Variants in FGGY observed in about 807,000 individuals in gnomAD.
FGGY encodes FGGY carbohydrate kinase domain containing.
FGGY carries 72 observed loss-of-function variants against 71.3 expected under a neutral mutation model. The observed-to-expected ratio is 1.01, with a 90% confidence interval of 0.84 to 1.23. The LOEUF is 1.23. FGGY is among the 50% of genes most tolerant of loss of function. FGGY has a pLI of 0.00. For missense variants in FGGY, 668 were observed against 682.3 expected, an observed-to-expected ratio of 0.98 and a Z score of 0.23; for synonymous variants, 251 against 250.3, an observed-to-expected ratio of 1.00 and a Z score of -0.02.
intron 6 of FGGY, among the ~76,000 whole-genome samples, chr1:59,471,512 TCTAAGTGA>T (rs2092940187): frequency 2.0e-5 from 3 of 152,192 alleles, no homozygotes; most frequent in Admixed American, 2.0e-4. Flanking sequence ...CTCTTCCCTG[TCTAAGTGA>T]CAGAACCAGG....
intron 8 of FGGY, among the ~76,000 whole-genome samples, chr1:59,573,181 G>C (rs2096015976): frequency 6.6e-6 from 1 of 152,166 alleles, no homozygotes; most frequent in Admixed American, 6.5e-5. Context: ...CATGTGTGAT[G>C]CTGAATTGAA....
chr1:59,704,087 C>T (rs948145361), intron 14 of FGGY, among the ~76,000 whole-genome samples: 2 of 152,038 alleles, frequency 1.3e-5, no homozygotes, highest in Admixed American at 6.6e-5. Flanking sequence ...TGAGTATGTG[C>T]GCTAGACAGG....
chr1:59,480,850 T>TGA (rs2093441943), intron 6 of FGGY, among the ~76,000 whole-genome samples: 1 of 152,158 alleles, frequency 6.6e-6, no homozygotes, highest in African/African-American at 2.4e-5. Context: ...CTATTCCAGC[T>TGA]GAGGAACTTA....
At chr1:59,693,191 A>G (rs950195007) in intron 14 of FGGY, among the ~76,000 whole-genome samples, 6 of 152,276 alleles carry the variant, frequency 3.9e-5, no homozygotes, top group African/African-American at 1.4e-4. Context: ...ATTAACACCA[A>G]GAGACAGCTT....
At chr1:59,736,635 G>A (rs1273680954) in intron 14 of FGGY, among the ~76,000 whole-genome samples, 1 of 152,186 alleles carries the variant, frequency 6.6e-6, no homozygotes, top group Non-Finnish European at 1.5e-5. Context: ...ATGATTTAGG[G>A]TATCTGGCGG....
At chr1:59,665,909 A>C (rs749616083) in intron 12 of FGGY, among the ~76,000 whole-genome samples, 1 of 152,002 alleles carries the variant, frequency 6.6e-6, no homozygotes, top group African/African-American at 2.4e-5. Flanking sequence ...TCCTGACCTC[A>C]TGATCCGCCC....
At chr1:59,700,495 A>G (rs185884514) in intron 14 of FGGY, among the ~76,000 whole-genome samples, 4 of 152,328 alleles carry the variant, frequency 2.6e-5, no homozygotes, top group African/African-American at 9.6e-5. Context: ...AGCTTATCAC[A>G]GGTCGTGTGC....
chr1:59,750,132 G>C (rs2098232810), intron 14 of FGGY, among the ~76,000 whole-genome samples: 1 of 152,134 alleles, frequency 6.6e-6, no homozygotes, highest in South Asian at 2.1e-4. Context: ...ATAAGTAGCA[G>C]AGCCTGGATC....
chr1:59,395,532 G>A (rs2061222787), intron 5 of FGGY, among the ~76,000 whole-genome samples: 1 of 152,094 alleles, frequency 6.6e-6, no homozygotes, highest in Non-Finnish European at 1.5e-5. Context: ...GACCATATAT[G>A]TTCTGTTCAC....
intron 6 of FGGY, among the ~76,000 whole-genome samples, chr1:59,468,148 C>A (rs2092743875): frequency 6.6e-6 from 1 of 152,116 alleles, no homozygotes; most frequent in Admixed American, 6.5e-5. Flanking sequence ...AGTGATCCGC[C>A]CCCCTCAGCC....
chr1:59,638,384 C>T lies in FGGY; in HGVS notation c.1221+9C>T, dbSNP rs1427357967. On this transcript the variant is annotated intron_variant, in intron 11 of 15. Coordinates refer to ENST00000303721, the MANE Select transcript of FGGY (RefSeq NM_018291.5). ...TGACACTAAAGGGCATGGTAAGTAACAGCTAGTCCTTGCACATGGGTGAAG... is the reference window on the plus strand; with the variant it reads ...TGACACTAAAGGGCATGGTAAGTAATAGCTAGTCCTTGCACATGGGTGAAG... 2 of 1,614,058 alleles carry T rather than the reference C, an allele frequency of 1.2e-6. No individual in the cohort carries two copies. Among genetic ancestry groups the T allele is most frequent in the Non-Finnish European group, 1.7e-6 (2 of 1,179,980 alleles).
chr1:59,451,538 C>CATAT (rs61670111), intron 5 of FGGY, among the ~76,000 whole-genome samples: 8 of 151,812 alleles, frequency 5.3e-5, no homozygotes, highest in African/African-American at 1.9e-4. Context: ...CACATACATG[C>CATAT]ATATATATAC....
chr1:59,562,143 C>G (rs1377798516), intron 8 of FGGY, among the ~76,000 whole-genome samples: 1 of 152,138 alleles, frequency 6.6e-6, no homozygotes, highest in Non-Finnish European at 1.5e-5. Context: ...TCCACTCTTA[C>G]AAAAGCATGT....
chr1:59,368,034 T>C (rs1321859011), intron 4 of FGGY, among the ~76,000 whole-genome samples: 5 of 152,226 alleles, frequency 3.3e-5, no homozygotes, highest in African/African-American at 4.8e-5. Flanking sequence ...TTTCTTTTTT[T>C]CTTGAAAAGA....
rs544401942 is a variant in FGGY at position 59,654,423 on chromosome 1, T to C, written c.1222-5796T>C. On this transcript the variant is annotated intron_variant, in intron 11 of 15. Coordinates refer to ENST00000303721, the MANE Select transcript of FGGY (RefSeq NM_018291.5). Reference sequence around the variant, plus strand: ...CTGGAAAGCTTTCAGTGAATTCCCCTGAGCCTTGGATACCCCCATCAAGCT... The same window carrying C: ...CTGGAAAGCTTTCAGTGAATTCCCCCGAGCCTTGGATACCCCCATCAAGCT... 5.3e-5 allele frequency among the ~76,000 whole-genome samples: 8 copies of C among 152,346 alleles called. No individual in the cohort carries two copies. In the South Asian group the frequency reaches 1.7e-3, roughly 32 times the overall value.
intron 6 of FGGY, among the ~76,000 whole-genome samples, chr1:59,465,620 A>G (rs961559182): frequency 4.6e-5 from 7 of 152,172 alleles, no homozygotes; most frequent in Admixed American, 3.3e-4. Context: ...ATTGTCTCAG[A>G]CCAAAATCTC....
intron 5 of FGGY, among the ~76,000 whole-genome samples, chr1:59,391,062 G>A (rs554442146): frequency 1.6e-4 from 25 of 152,230 alleles, no homozygotes; most frequent in East Asian, 1.4e-3. Flanking sequence ...AGATAAATCC[G>A]AACTCAGTTA....
intron 5 of FGGY, among the ~76,000 whole-genome samples, chr1:59,434,872 C>G (rs1429399734): frequency 1.3e-5 from 2 of 152,160 alleles, no homozygotes; most frequent in South Asian, 4.1e-4. Flanking sequence ...GTCTATATTG[C>G]CAACCTAAAG....
chr1:59,389,001 G>T (rs1239473399), intron 5 of FGGY, among the ~76,000 whole-genome samples: 1 of 152,076 alleles, frequency 6.6e-6, no homozygotes, highest in African/African-American at 2.4e-5. Context: ...AGGCCGGAGT[G>T]CAGTGTCGTA....
Sources: gnomAD v4.1 joint callset for allele counts (sites outside exome capture counted in the v4.1 genomes callset) on GRCh38, gnomAD v4.1.1 for gene constraint, MANE v1.5 for transcripts, NCBI Gene and HGNC (gene_info 2026-07-23, HGNC 2026-07-21) for gene names.